Variants in GALNT14 observed in about 807,000 individuals in gnomAD.
GALNT14 encodes UDP-GalNAc:polypeptide N-acetylgalactosaminyltransferase 14.
In GALNT14, 60 loss-of-function variants were observed where a neutral mutation model predicts 77.5. The observed-to-expected ratio is 0.77, with a 90% CI of 0.63 to 0.96. The LOEUF is 0.96. Ranked by LOEUF, GALNT14 falls within the 40% of genes least tolerant of loss-of-function variation. The probability of loss-of-function intolerance (pLI) is 0.00; values close to 1 mark genes in which losing one functional copy is unlikely to be tolerated. For missense variants in GALNT14, 710 were observed against 731.0 expected (o/e 0.97, Z 0.33); for synonymous variants, 280 against 281.7 (o/e 0.99, Z 0.06).
At chr2:30,942,712 G>C (rs1302214034) in intron 8 of GALNT14, among the ~76,000 whole-genome samples, 2 of 152,176 alleles carry the variant, frequency 1.3e-5, no homozygotes, top group Non-Finnish European at 2.9e-5. Flanking sequence ...GGGACAGTGG[G>C]CTACCGACCA....
At chr2:31,073,862 G>A (rs1200851593) in intron 1 of GALNT14, among the ~76,000 whole-genome samples, 3 of 152,186 alleles carry the variant, frequency 2.0e-5, no homozygotes, top group African/African-American at 7.2e-5. Flanking sequence ...CCGCTGGATG[G>A]TCCAAGTGAG....
intron 1 of GALNT14, among the ~76,000 whole-genome samples, chr2:31,056,337 A>C (rs1274195915): frequency 6.6e-6 from 1 of 152,224 alleles, no homozygotes; most frequent in Non-Finnish European, 1.5e-5. Flanking sequence ...TTCTCGGGAC[A>C]CTTGCCTCAG....
Position 31,020,036 on chromosome 2 carries a change from C to T in GALNT14, c.130-27029G>A, listed in dbSNP as rs140937546. Among the ~76,000 whole-genome samples the T allele has an allele frequency of 7.9e-4, 121 of 152,300 alleles. 1 individual carries two copies. The highest frequency in any genetic ancestry group is 2.8e-3 in the African/African-American group (116 of 41,550). Reference sequence around the variant, plus strand: ...TACTCCTCTCCAGGAATAAAACCCACTTTCCACATGGCCAGCCCCTTCCCC... The same window carrying T: ...TACTCCTCTCCAGGAATAAAACCCATTTTCCACATGGCCAGCCCCTTCCCC... On this transcript the variant is annotated intron_variant, in intron 1 of 14. Coordinates refer to ENST00000349752, the MANE Select transcript of GALNT14 (RefSeq NM_024572.4).
chr2:31,055,098 A>T (rs1226917656), intron 1 of GALNT14, among the ~76,000 whole-genome samples: 1 of 152,204 alleles, frequency 6.6e-6, no homozygotes, highest in Non-Finnish European at 1.5e-5. Context: ...ATTGCTCATA[A>T]AAGAAATCAT....
chr2:30,945,756 T>C, intron 7 of GALNT14, 27 bp downstream of exon 7: 2 of 1,566,960 alleles, frequency 1.3e-6, no homozygotes, highest in Non-Finnish European at 1.8e-6. Flanking sequence ...AAATCCTTAC[T>C]GGGGAGGAGG....
chr2:30,937,245 C>T (rs1233408108), intron 9 of GALNT14, among the ~76,000 whole-genome samples: 3 of 152,216 alleles, frequency 2.0e-5, no homozygotes, highest in Non-Finnish European at 4.4e-5. Context: ...GAAGGCAGCT[C>T]ACCCTGGTGG....
intron 12 of GALNT14, 172 bp from the exon 13 acceptor site, chr2:30,924,435 A>T (rs1665233479): frequency 2.9e-6 from 2 of 687,438 alleles, no homozygotes; most frequent in African/African-American, 1.8e-5. Context: ...GCAAGGAAAG[A>T]CCCAGGAGCT....
At chr2:30,948,296 T>C (rs1392918276) in intron 6 of GALNT14, among the ~76,000 whole-genome samples, 10 of 152,252 alleles carry the variant, frequency 6.6e-5, no homozygotes, top group Admixed American at 6.5e-4. Flanking sequence ...CCCAAAGATA[T>C]GTTTGGCCCT....
chr2:31,104,258 C>A (rs1465913837), intron 1 of GALNT14, among the ~76,000 whole-genome samples: 7 of 152,116 alleles, frequency 4.6e-5, no homozygotes, highest in Admixed American at 4.6e-4. Context: ...GTTGTAAGAA[C>A]AGTACAAATT....
chr2:30,925,851 G>A (rs1005755223), intron 11 of GALNT14, among the ~76,000 whole-genome samples: 1 of 152,166 alleles, frequency 6.6e-6, no homozygotes, highest in Admixed American at 6.5e-5. Context: ...GGGTCTGATG[G>A]GCAAAGCTGG....
chr2:31,101,748 G>T (rs567055543), intron 1 of GALNT14, among the ~76,000 whole-genome samples: 3 of 151,910 alleles, frequency 2.0e-5, no homozygotes, highest in African/African-American at 2.4e-5. Flanking sequence ...CCCATGATAT[G>T]GTTTGGCTGT....
At chr2:31,029,503 C>G (rs1289377842) in intron 1 of GALNT14, among the ~76,000 whole-genome samples, 2 of 152,214 alleles carry the variant, frequency 1.3e-5, no homozygotes, top group Non-Finnish European at 2.9e-5. Context: ...TTATATTTCT[C>G]AGCCTGCCCT....
the GALNT14 span, among the ~76,000 whole-genome samples, chr2:30,893,189 G>C: frequency 2.0e-5 from 3 of 152,140 alleles, no homozygotes; most frequent in African/African-American, 7.2e-5. Context: ...AAATTCCTAG[G>C]ATGTTTACTA....
intron 1 of GALNT14, among the ~76,000 whole-genome samples, chr2:31,021,688 C>T (rs1235449353): frequency 6.6e-6 from 1 of 152,166 alleles, no homozygotes; most frequent in African/African-American, 2.4e-5. Flanking sequence ...TTTCTCACTA[C>T]AACAGCAGAG....
At chr2:30,889,357 C>T in the GALNT14 span, among the ~76,000 whole-genome samples, 90 of 152,284 alleles carry the variant, frequency 5.9e-4, no homozygotes, top group African/African-American at 2.0e-3. Flanking sequence ...AACAGCTCCT[C>T]CTCCCATTGC....
intron 1 of GALNT14, among the ~76,000 whole-genome samples, chr2:31,114,453 C>T (rs557152723): frequency 2.0e-5 from 3 of 152,148 alleles, no homozygotes; most frequent in Admixed American, 6.5e-5. Context: ...ACAAGAAAGA[C>T]TTTCTGGGAA....
intron 13 of GALNT14, among the ~76,000 whole-genome samples, chr2:30,916,217 C>G (rs1368213854): frequency 2.0e-5 from 3 of 152,226 alleles, no homozygotes; most frequent in Non-Finnish European, 4.4e-5. Context: ...AATGCACACT[C>G]ACACGTAGAC....
chr2:31,067,831 C>T (rs1253201875), intron 1 of GALNT14, among the ~76,000 whole-genome samples: 4 of 152,194 alleles, frequency 2.6e-5, no homozygotes, highest in Admixed American at 6.5e-5. Flanking sequence ...GGCTCAGGGA[C>T]TTAAGTCACT....
intron 1 of GALNT14, among the ~76,000 whole-genome samples, chr2:31,098,462 C>T (rs1276301549): frequency 6.6e-6 from 1 of 152,106 alleles, no homozygotes; most frequent in East Asian, 1.9e-4. Context: ...TTAAAAAATA[C>T]ATTTATGTGG....
Sources: allele counts gnomAD v4.1 joint callset (sites outside exome capture counted in the v4.1 genomes callset), GRCh38; gene constraint gnomAD v4.1.1; transcripts MANE v1.5; gene names NCBI Gene and HGNC (gene_info 2026-07-23, HGNC 2026-07-21).